Variants in GPC5 observed in about 807,000 individuals in gnomAD.
The protein encoded by GPC5 is glypican 5, also known as glypican-5.
A neutral mutation model predicts 53.9 loss-of-function variants in GPC5; 47 were observed. The ratio of observed to expected loss-of-function variants is 0.87; its 90% CI spans 0.69 to 1.11. GPC5 has a LOEUF of 1.11. GPC5 is among the 50% of genes most tolerant of loss of function. The pLI is 0.00. For missense variants in GPC5, 748 were observed against 713.1 expected, an observed-to-expected ratio of 1.05 and a Z score of -0.56; for synonymous variants, 286 against 263.3, an observed-to-expected ratio of 1.09 and a Z score of -0.84.
At chr13:92,334,044 C>G (rs1412536027) in intron 7 of GPC5, among the ~76,000 whole-genome samples, 2 of 152,114 alleles carry the variant, frequency 1.3e-5, no homozygotes, top group Non-Finnish European at 2.9e-5. Flanking sequence ...AATGAAAGAA[C>G]TGACAAAACC....
chr13:92,173,724 T>A (rs1323128167), intron 7 of GPC5, among the ~76,000 whole-genome samples: 1 of 152,206 alleles, frequency 6.6e-6, no homozygotes, highest in African/African-American at 2.4e-5. Context: ...ATATGAACAC[T>A]CATCTCCCCT....
At chr13:91,788,954 C>G (rs1344222571) in intron 5 of GPC5, among the ~76,000 whole-genome samples, 2 of 152,146 alleles carry the variant, frequency 1.3e-5, no homozygotes, top group Non-Finnish European at 2.9e-5. Context: ...TGGCTCAGAT[C>G]TGTAATCCCA....
intron 6 of GPC5, among the ~76,000 whole-genome samples, chr13:91,924,367 A>AT (rs2039746220): frequency 6.6e-6 from 1 of 152,074 alleles, no homozygotes; most frequent in African/African-American, 2.4e-5. Flanking sequence ...CTCATAATAG[A>AT]TTTTTCATGC....
At chr13:92,526,519 G>A (rs115565263) in intron 7 of GPC5, among the ~76,000 whole-genome samples, 20 of 152,154 alleles carry the variant, frequency 1.3e-4, no homozygotes, top group African/African-American at 4.8e-4. Context: ...ACAGGACCTT[G>A]TAAGGTAGGA....
chr13:91,834,289 A>G (rs1200372709), intron 5 of GPC5, among the ~76,000 whole-genome samples: 1 of 152,202 alleles, frequency 6.6e-6, no homozygotes, highest in African/African-American at 2.4e-5. Context: ...ATGGATAGAA[A>G]GAATTTATAT....
chr13:91,947,525 C>A (rs2039984734), intron 6 of GPC5, among the ~76,000 whole-genome samples: 1 of 152,110 alleles, frequency 6.6e-6, no homozygotes, highest in Non-Finnish European at 1.5e-5. Context: ...TTCACCACCC[C>A]ATTGTAGAAG....
chr13:91,625,391 G>T (rs1479529125), intron 2 of GPC5, among the ~76,000 whole-genome samples: 1 of 152,018 alleles, frequency 6.6e-6, no homozygotes, highest in African/African-American at 2.4e-5. Context: ...TATTGTAAAT[G>T]AAGTCAAAGG....
Position 91,577,894 on chromosome 13 carries a change from A to G in GPC5, c.326-115293A>G, listed in dbSNP as rs143793592. Among the ~76,000 whole-genome samples the G allele has an allele frequency of 5.3e-4, 80 of 152,316 alleles. No homozygotes were observed. The East Asian group carries it at 8.1e-3, about 15-fold the overall frequency. ...TTTGACATTCCTTTCGAAAGATGGA[A>G]CCTAATTCCTTCTCCCTTAAGTATG... On this transcript the variant is annotated intron_variant, in intron 2 of 7. Transcript: ENST00000377067.
At chr13:91,867,362 C>T (rs566186615) in intron 5 of GPC5, among the ~76,000 whole-genome samples, 4 of 152,202 alleles carry the variant, frequency 2.6e-5, no homozygotes, top group Non-Finnish European at 4.4e-5. Flanking sequence ...TCTTCTACAC[C>T]TTTTGCAGAA....
intron 2 of GPC5, among the ~76,000 whole-genome samples, chr13:91,623,062 G>T (rs1278624065): frequency 2.0e-5 from 3 of 152,092 alleles, no homozygotes; most frequent in Admixed American, 6.6e-5. Context: ...GTAAACAGGG[G>T]TGAATAAGAC....
chr13:92,353,290 G>C (rs1258943763), intron 7 of GPC5, among the ~76,000 whole-genome samples: 4 of 131,020 alleles, frequency 3.1e-5, no homozygotes, highest in Non-Finnish European at 3.3e-5. Context: ...AAAAAGAAAT[G>C]TGTATCAGTG....
chr13:91,609,996 T>C (rs564727997), intron 2 of GPC5, among the ~76,000 whole-genome samples: 4 of 152,336 alleles, frequency 2.6e-5, no homozygotes, highest in African/African-American at 9.6e-5. Context: ...TCAATTCATT[T>C]GCTCAGTTAT....
intron 6 of GPC5, among the ~76,000 whole-genome samples, chr13:91,917,159 G>C (rs1457069771): frequency 6.6e-6 from 1 of 152,144 alleles, no homozygotes; most frequent in East Asian, 1.9e-4. Flanking sequence ...AGATACAATG[G>C]GGGTACAGGC....
chr13:91,676,150 A>G (rs1187370064), intron 2 of GPC5, among the ~76,000 whole-genome samples: 5 of 152,144 alleles, frequency 3.3e-5, no homozygotes, highest in African/African-American at 9.7e-5. Flanking sequence ...GGCTCACTGC[A>G]ACCTCCACCT....
At chr13:92,178,825 A>G (rs1356043368) in intron 7 of GPC5, among the ~76,000 whole-genome samples, 2 of 151,954 alleles carry the variant, frequency 1.3e-5, no homozygotes, top group African/African-American at 4.8e-5. Context: ...AAATACAAAA[A>G]ATTAGCCAGG....
intron 7 of GPC5, among the ~76,000 whole-genome samples, chr13:92,805,701 G>A (rs745466620): frequency 3.9e-5 from 6 of 151,960 alleles, no homozygotes; most frequent in Non-Finnish European, 8.8e-5. Context: ...GTCTCCCAAA[G>A]TGCTGGGAAT....
chr13:92,439,625 G>A (rs1023423208), intron 7 of GPC5, among the ~76,000 whole-genome samples: 3 of 152,036 alleles, frequency 2.0e-5, no homozygotes, highest in Admixed American at 1.3e-4. Flanking sequence ...TGTATCACTG[G>A]ATGAAGAAAA....
intron 7 of GPC5, among the ~76,000 whole-genome samples, chr13:92,291,766 G>T (rs2042998129): frequency 6.6e-6 from 1 of 152,176 alleles, no homozygotes; most frequent in African/African-American, 2.4e-5. Flanking sequence ...CTGAAGGTCT[G>T]TAGCTTCACT....
At chr13:92,375,202 G>C (rs1163508650) in intron 7 of GPC5, among the ~76,000 whole-genome samples, 1 of 152,186 alleles carries the variant, frequency 6.6e-6, no homozygotes, top group African/African-American at 2.4e-5. Flanking sequence ...ATCTTTGAAA[G>C]TTTTGTAAAT....
Sources: gnomAD v4.1 joint callset for allele counts (sites outside exome capture counted in the v4.1 genomes callset) on GRCh38, gnomAD v4.1.1 for gene constraint, MANE v1.5 for transcripts, NCBI Gene and HGNC (gene_info 2026-07-23, HGNC 2026-07-21) for gene names.